PHIP: variants seen among roughly 807,000 people sequenced by gnomAD.
The protein encoded by PHIP is PHIP subunit of CUL4-Ring ligase complex.
PHIP carries 54 observed loss-of-function variants against 236.8 expected under a neutral mutation model. That is an observed-to-expected ratio of 0.23 (90% CI 0.18 to 0.29). The LOEUF is 0.29. PHIP is among the 10% of genes least tolerant of loss of function. The probability of loss-of-function intolerance (pLI) is 1.00; values close to 1 mark genes in which losing one functional copy is unlikely to be tolerated. For missense variants in PHIP, 1,370 were observed against 2,190.8 expected, an observed-to-expected ratio of 0.63 and a Z score of 7.48; for synonymous variants, 756 against 718.9, an observed-to-expected ratio of 1.05 and a Z score of -0.83.
rs1254689812 is a variant in PHIP at position 78,937,355 on chromosome 6, T to C, written c.*3338A>G. On this transcript the variant is annotated 3_prime_UTR_variant, in exon 40 of 40. Coordinates refer to ENST00000275034, the MANE Select transcript of PHIP (RefSeq NM_017934.7). The stretch of plus-strand genomic sequence containing the variant: ...ATTACAAATCATATCTGAAAACATG[T>C]AAATGCTGCTAACATATAAGATAAA... 1 of 151,750 alleles carries C rather than the reference T, an allele frequency of 6.6e-6. No homozygotes were observed. Among genetic ancestry groups the C allele is most frequent in the Non-Finnish European group, 1.5e-5 (1 of 67,668 alleles). 9.4% of individuals were successfully genotyped at this position (151,750 alleles called of 1,614,324 possible). A position where few individuals can be genotyped will look rare whatever the true frequency, so the allele number is the denominator to read the frequency against.
At chr6:78,983,274 T>G (rs1438001702) in intron 22 of PHIP, among the ~76,000 whole-genome samples, 157 bp from the exon 23 acceptor site, 1 of 152,110 alleles carries the variant, frequency 6.6e-6, no homozygotes, top group African/African-American at 2.4e-5. Flanking sequence ...CTTCAAAAGT[T>G]TCTTGAAATT....
chr6:78,946,019 C>A lies in PHIP; in HGVS notation c.4612G>T (p.Ala1538Ser). The change falls in exon 38 of 40, where the codon GCA becomes TCA. Residue 1538 changes from alanine (A) to serine (S), a missense_variant. By Grantham distance (99) the Ala-to-Ser change is moderately conservative. This residue lies in a region of PHIP where 309 missense variants were observed against 328.3 expected (regional missense o/e 0.94). Coordinates refer to ENST00000275034, the MANE Select transcript of PHIP (RefSeq NM_017934.7). ...GTCTTACTTGTTTTCCCTGGTATTG[C>A]AGATGCATTAGCTTTTGTAATAAAA... ...KTFITKANASAIPGKTILENS... is the reference protein window; with the variant it reads ...KTFITKANASSIPGKTILENS... 1 of 1,607,334 alleles carries A rather than the reference C, an allele frequency of 6.2e-7. No individual in the cohort carries two copies. The highest frequency in any genetic ancestry group is 1.1e-5 in the South Asian group (1 of 90,932).
At chr6:78,973,668 A>G (rs959824500) in intron 24 of PHIP, among the ~76,000 whole-genome samples, 1 of 150,170 alleles carries the variant, frequency 6.7e-6, no homozygotes, top group African/African-American at 2.5e-5. Context: ...GCTCAAAATA[A>G]AAGGATGGAG....
chr6:79,028,173 A>T (rs906926162), intron 7 of PHIP, among the ~76,000 whole-genome samples: 2 of 152,180 alleles, frequency 1.3e-5, no homozygotes, highest in African/African-American at 2.4e-5. Flanking sequence ...AGGTGAAGGC[A>T]TAAGGATGAA....
intron 4 of PHIP, among the ~76,000 whole-genome samples, chr6:79,071,490 T>C (rs1284022087): frequency 6.6e-6 from 1 of 152,226 alleles, no homozygotes; most frequent in Non-Finnish European, 1.5e-5. Flanking sequence ...ACATTTAAAA[T>C]GTCTTTCTAA....
chr6:79,049,996 A>G (rs1014638163), intron 6 of PHIP, among the ~76,000 whole-genome samples: 2 of 152,160 alleles, frequency 1.3e-5, no homozygotes, highest in African/African-American at 4.8e-5. Flanking sequence ...TGCTAATCAT[A>G]ATTTTCTAAC....
At chr6:79,025,382 A>T in intron 9 of PHIP, 137 bp downstream of exon 9, 1 of 577,894 alleles carries the variant, frequency 1.7e-6, no homozygotes, top group Admixed American at 3.3e-5. Context: ...CAGGTTAGTA[A>T]AGAGCCAAAA....
chr6:79,054,164 G>C (rs1772947633), intron 6 of PHIP, among the ~76,000 whole-genome samples: 1 of 150,964 alleles, frequency 6.6e-6, no homozygotes, highest in African/African-American at 2.4e-5. Context: ...CAGCTAACCT[G>C]TTTTTAAGAG....
intron 15 of PHIP, among the ~76,000 whole-genome samples, chr6:79,012,717 A>C (rs756818977): frequency 6.6e-5 from 10 of 151,766 alleles, no homozygotes. Flanking sequence ...AAGCAGTGAG[A>C]ACGCAGGCCC....
intron 27 of PHIP, among the ~76,000 whole-genome samples, chr6:78,967,964 C>G (rs1195495543): frequency 6.6e-6 from 1 of 151,714 alleles, no homozygotes; most frequent in Non-Finnish European, 1.5e-5. Context: ...GAAACCCTGT[C>G]TCTACTAAAA....
intron 7 of PHIP, among the ~76,000 whole-genome samples, chr6:79,040,039 T>C (rs1007000829): frequency 1.1e-4 from 16 of 152,144 alleles, no homozygotes; most frequent in African/African-American, 3.9e-4. Context: ...TAAATAAGAT[T>C]TTATTTGGAT....
chr6:79,060,910 AAAATATT>A (rs1489279234), intron 4 of PHIP, 92 bp from the exon 5 acceptor site: 6 of 836,638 alleles, frequency 7.2e-6, no homozygotes, highest in Non-Finnish European at 3.7e-6. Context: ...ATCCAAGTAT[AAAATATT>A]TTGTTTTGCG....
intron 21 of PHIP, 148 bp from the exon 22 acceptor site, chr6:78,985,576 C>T: frequency 1.5e-6 from 1 of 657,044 alleles, no homozygotes; most frequent in Admixed American, 2.3e-5. Context: ...TGTTGTGGCT[C>T]ACGCCTGTAA....
At chr6:79,032,107 A>T (rs1771702231) in intron 7 of PHIP, among the ~76,000 whole-genome samples, 1 of 152,232 alleles carries the variant, frequency 6.6e-6, no homozygotes, top group African/African-American at 2.4e-5. Context: ...TGTCTTTAAA[A>T]AATGGGCATA....
chr6:79,068,247 G>C (rs913769436), intron 4 of PHIP: 2 of 152,274 alleles, frequency 1.3e-5, no homozygotes, highest in Admixed American at 6.5e-5. Flanking sequence ...TGGATCACTT[G>C]AGGTCAGGAG....
chr6:78,997,368 T>C, intron 19 of PHIP, 46 bp downstream of exon 19: 1 of 1,550,432 alleles, frequency 6.4e-7, no homozygotes, highest in African/African-American at 1.4e-5. Flanking sequence ...AACTCCAAAA[T>C]GAACCCAAGG....
At chr6:79,069,100 G>T (rs1224628216) in intron 4 of PHIP, among the ~76,000 whole-genome samples, 1 of 150,870 alleles carries the variant, frequency 6.6e-6, no homozygotes, top group Non-Finnish European at 1.5e-5. Flanking sequence ...TTGGAATATA[G>T]TTCTTATTTG....
Position 79,009,947 on chromosome 6 carries a change from A to G in PHIP, c.1524+5135T>C, listed in dbSNP as rs189628506. Among the ~76,000 whole-genome samples the G allele has an allele frequency of 1.1e-3, 169 of 152,084 alleles. 1 individual carries two copies. The highest frequency in any genetic ancestry group is 4.0e-3 in the African/African-American group (166 of 41,540). The stretch of plus-strand genomic sequence containing the variant: ...ACTAAAGTGTATGGTAAGAAGACCG[A>G]AAGTACTTCCTTACCCAAAGAAGCT... On this transcript the variant is annotated intron_variant, in intron 15 of 39. Transcript: ENST00000275034.
chr6:78,955,526 A>G, intron 33 of PHIP, 87 bp downstream of exon 33: 2 of 582,818 alleles, frequency 3.4e-6, no homozygotes, highest in South Asian at 4.9e-5. Context: ...AATAATGTTC[A>G]CAACAGCTTT....
Sources: gnomAD v4.1 joint callset for allele counts (sites outside exome capture counted in the v4.1 genomes callset) on GRCh38, gnomAD v4.1.1 for gene constraint, gnomAD v4.1.1 regional missense constraint, MANE v1.5 for transcripts, NCBI Gene and HGNC (gene_info 2026-07-23, HGNC 2026-07-21) for gene names.